Variants in PAK5 observed in about 807,000 individuals in gnomAD.
PAK5 encodes p21 (RAC1) activated kinase 5.
In PAK5, 16 loss-of-function variants were observed where a neutral mutation model predicts 65.9. The ratio of observed to expected loss-of-function variants is 0.24; its 90% CI spans 0.16 to 0.37. The LOEUF is 0.37. Ranked by LOEUF, PAK5 falls within the 10% of genes least tolerant of loss-of-function variation. The probability of loss-of-function intolerance (pLI) is 1.00; values close to 1 mark genes in which losing one functional copy is unlikely to be tolerated. For synonymous variants in PAK5, 371 were observed against 354.9 expected (o/e 1.05, Z -0.51); for missense variants, 785 against 903.9 (o/e 0.87, Z 1.69).
intron 6 of PAK5, among the ~76,000 whole-genome samples, chr20:9,558,179 C>T (rs889087293): frequency 3.3e-5 from 5 of 151,866 alleles, no homozygotes; most frequent in Non-Finnish European, 4.4e-5. Context: ...GGCACAATCT[C>T]GGCTCACTGC....
chr20:9,766,837 T>A (rs1569079532), intron 1 of PAK5, among the ~76,000 whole-genome samples: 1 of 152,098 alleles, frequency 6.6e-6, no homozygotes, highest in Non-Finnish European at 1.5e-5. Context: ...ATTTGAATGC[T>A]GGATGCATTC....
At chr20:9,711,511 C>T (rs538967936) in intron 1 of PAK5, 76 bp from the exon 2 acceptor site, 2 of 152,304 alleles carry the variant, frequency 1.3e-5, no homozygotes, top group South Asian at 2.1e-4. Context: ...CATATAGCCA[C>T]ATTTACTTTA....
chr20:9,651,024 A>G (rs2123298117), intron 2 of PAK5, among the ~76,000 whole-genome samples: 1 of 152,334 alleles, frequency 6.6e-6, no homozygotes, highest in East Asian at 1.9e-4. Context: ...GGTAACGGCA[A>G]AAGAATTTTA....
At chr20:9,541,013 G>A (rs1411835823) in intron 9 of PAK5, among the ~76,000 whole-genome samples, 16 of 152,170 alleles carry the variant, frequency 1.1e-4, no homozygotes. Flanking sequence ...TGGGATTACA[G>A]GCGTGAGCCA....
intron 2 of PAK5, among the ~76,000 whole-genome samples, chr20:9,700,012 A>G (rs1479214382): frequency 6.6e-6 from 1 of 152,204 alleles, no homozygotes; most frequent in Non-Finnish European, 1.5e-5. Flanking sequence ...TAATTTTGCC[A>G]GTTTTTGAAC....
chr20:9,768,297 G>A (rs6118725), intron 1 of PAK5, among the ~76,000 whole-genome samples: 65,552 of 151,428 alleles, frequency 0.43, 14,336 homozygotes, highest in East Asian at 0.61. Flanking sequence ...GCTAAACATC[G>A]AGCACACATG....
chr20:9,761,515 A>G (rs1315641573), intron 1 of PAK5, among the ~76,000 whole-genome samples: 2 of 152,178 alleles, frequency 1.3e-5, no homozygotes, highest in African/African-American at 4.8e-5. Flanking sequence ...TTCCAATGGC[A>G]ATTTTTAACA....
chr20:9,539,689 C>A, intron 9 of PAK5, 72 bp from the exon 10 acceptor site: 1 of 1,283,492 alleles, frequency 7.8e-7, no homozygotes, highest in Non-Finnish European at 1.1e-6. Flanking sequence ...ATGTTTTCCC[C>A]ATTCATCCTA....
chr20:9,778,497 C>T (rs965608959), intron 1 of PAK5, among the ~76,000 whole-genome samples: 4 of 152,182 alleles, frequency 2.6e-5, no homozygotes, highest in African/African-American at 7.2e-5. Context: ...ATTGGCCTCC[C>T]AAAGGACTGG....
chr20:9,654,791 G>GC (rs1190839230), intron 2 of PAK5, among the ~76,000 whole-genome samples: 1 of 151,826 alleles, frequency 6.6e-6, no homozygotes, highest in African/African-American at 2.4e-5. Context: ...TTACCTTAAA[G>GC]CCCCTCATCC....
chr20:9,654,070 T>G lies in PAK5; in HGVS notation c.-11-9731A>C, dbSNP rs574667353. Among the ~76,000 whole-genome samples, 3 of 151,614 alleles carry G rather than the reference T, an allele frequency of 2.0e-5. No homozygotes were observed. In the East Asian group the frequency reaches 5.8e-4, roughly 29 times the overall value. ...CTCACTGCAACCTCTGCCTCCTGGGTTCAAGCGATTCTCTGGCCTCAGCCA... is the reference window on the plus strand; with the variant it reads ...CTCACTGCAACCTCTGCCTCCTGGGGTCAAGCGATTCTCTGGCCTCAGCCA... On this transcript the variant is annotated intron_variant, in intron 2 of 9. Transcript: ENST00000353224.
chr20:9,670,277 G>T (rs1461136741), intron 2 of PAK5, among the ~76,000 whole-genome samples: 1 of 152,124 alleles, frequency 6.6e-6, no homozygotes, highest in African/African-American at 2.4e-5. Flanking sequence ...AATCCTCTGG[G>T]TATATACCCA....
chr20:9,726,701 A>G (rs1252261988), intron 1 of PAK5, among the ~76,000 whole-genome samples: 1 of 152,174 alleles, frequency 6.6e-6, no homozygotes, highest in African/African-American at 2.4e-5. Context: ...ACATTAGAAC[A>G]AATACCTAAT....
At position 9,838,913 on chromosome 20, in the gene PAK5, G is replaced by T. The variant is rs1979375652; in HGVS notation, c.-313C>A. On this transcript the variant is annotated 5_prime_UTR_variant, in exon 1 of 10. Coordinates refer to ENST00000353224, the MANE Select transcript of PAK5 (RefSeq NM_177990.4). This position sits in a 1 kb window ranked among gnomAD's most constrained non-coding sequence, Gnocchi z 4.5. ...AAGGGGGGCGGGGGCCAGCGGGAGG[G>T]GGTGAGAGGCAGAGCCACAGCTTTC... 1 of 152,362 alleles carries T rather than the reference G, an allele frequency of 6.6e-6. No homozygotes were observed. The highest frequency in any genetic ancestry group is 1.9e-4 in the East Asian group (1 of 5,150). 9.4% of individuals were successfully genotyped at this position (152,362 alleles called of 1,614,324 possible).
At position 9,748,547 on chromosome 20, in the gene PAK5, A is replaced by G. The variant is rs796156107; in HGVS notation, c.-161-37112T>C. 6.6e-5 allele frequency among the ~76,000 whole-genome samples: 10 copies of G among 152,288 alleles called. No individual in the cohort carries two copies. In the East Asian group the frequency reaches 1.5e-3, roughly 24 times the overall value. On this transcript the variant is annotated intron_variant, in intron 1 of 9. Transcript: ENST00000353224. The stretch of plus-strand genomic sequence containing the variant: ...GAAATAACACCACATATCTACAACT[A>G]TCTGATCCAAATCTCTAACTTTTTA...
At chr20:9,546,535 C>A (rs1013973856) in intron 7 of PAK5, among the ~76,000 whole-genome samples, 11 of 152,104 alleles carry the variant, frequency 7.2e-5, no homozygotes, top group African/African-American at 1.9e-4. Flanking sequence ...CCTTGAAGGG[C>A]CATAGCATGA....
At chr20:9,776,784 T>G (rs1354716566) in intron 1 of PAK5, among the ~76,000 whole-genome samples, 1 of 152,148 alleles carries the variant, frequency 6.6e-6, no homozygotes, top group Non-Finnish European at 1.5e-5. Flanking sequence ...ACCGTAGCCA[T>G]GATCAATCCT....
At chr20:9,682,053 G>T (rs904248598) in intron 2 of PAK5, among the ~76,000 whole-genome samples, 26 of 152,174 alleles carry the variant, frequency 1.7e-4, no homozygotes, top group African/African-American at 6.3e-4. Context: ...TATGTTGACA[G>T]GTACTAGAAA....
chr20:9,653,272 T>A (rs962993479), intron 2 of PAK5, among the ~76,000 whole-genome samples: 1 of 152,196 alleles, frequency 6.6e-6, no homozygotes, highest in Non-Finnish European at 1.5e-5. Flanking sequence ...ATGGAAAGTG[T>A]GTTAAATATA....
Sources: gnomAD v4.1 joint callset for allele counts (sites outside exome capture counted in the v4.1 genomes callset) on GRCh38, gnomAD v4.1.1 for gene constraint, Gnocchi (gnomAD v3.1) non-coding constraint, MANE v1.5 for transcripts, NCBI Gene and HGNC (gene_info 2026-07-23, HGNC 2026-07-21) for gene names.